SIPA1L3: variants seen among roughly 807,000 people sequenced by gnomAD.
SIPA1L3 encodes signal-induced proliferation-associated 1-like protein 3.
In SIPA1L3, 59 loss-of-function variants were observed where a neutral mutation model predicts 150.1. The ratio of observed to expected loss-of-function variants is 0.39; its 90% CI spans 0.32 to 0.49. The LOEUF is 0.49. Among genes scored for constraint, SIPA1L3 ranks in the 20% least tolerant of loss-of-function variants. The pLI, the probability that SIPA1L3 is intolerant of heterozygous loss-of-function variation, is 0.86. For missense variants in SIPA1L3, 2,211 were observed against 2,489.5 expected, an observed-to-expected ratio of 0.89 and a Z score of 2.38; for synonymous variants, 1,070 against 1,077.6, an observed-to-expected ratio of 0.99 and a Z score of 0.14.
intron 12 of SIPA1L3, 51 bp downstream of exon 12, chr19:38,142,761 C>T: frequency 6.4e-7 from 1 of 1,562,336 alleles, no homozygotes; most frequent in Non-Finnish European, 8.7e-7. Context: ...GAAAGCTGTG[C>T]CTCCTTCTTC....
chr19:37,960,242 C>G (rs1337444243), intron 1 of SIPA1L3, among the ~76,000 whole-genome samples: 1 of 151,928 alleles, frequency 6.6e-6, no homozygotes, highest in Non-Finnish European at 1.5e-5. Context: ...CTGGGAATGC[C>G]TTTATTTTGC....
intron 17 of SIPA1L3, among the ~76,000 whole-genome samples, chr19:38,192,939 C>T (rs889431610): frequency 6.6e-6 from 1 of 152,176 alleles, no homozygotes; most frequent in African/African-American, 2.4e-5. Context: ...GCTTGGCTCA[C>T]ACCACCTTCC....
intron 1 of SIPA1L3, among the ~76,000 whole-genome samples, chr19:37,959,883 C>T (rs1262691891): frequency 6.7e-6 from 1 of 149,358 alleles, no homozygotes; most frequent in Non-Finnish European, 1.5e-5. Flanking sequence ...TCACAGCCTA[C>T]TTCAGATTAA....
chr19:38,166,249 A>T (rs528005182), intron 15 of SIPA1L3, among the ~76,000 whole-genome samples: 1 of 151,662 alleles, frequency 6.6e-6, no homozygotes, highest in African/African-American at 2.4e-5. Context: ...AGGTCAGGAG[A>T]TCCAGACTGT....
At chr19:38,112,052 GCACA>G (rs541025549) in intron 8 of SIPA1L3, among the ~76,000 whole-genome samples, 45 of 142,054 alleles carry the variant, frequency 3.2e-4, no homozygotes, top group African/African-American at 1.2e-3. Flanking sequence ...GTCCACACAT[GCACA>G]CACACGTATG....
chr19:37,958,143 C>G (rs1043973628), intron 1 of SIPA1L3, among the ~76,000 whole-genome samples: 22 of 152,152 alleles, frequency 1.4e-4, no homozygotes, highest in African/African-American at 4.1e-4. Context: ...TGCAAAAATA[C>G]TACAAATAGG....
chr19:37,966,107 C>T lies in SIPA1L3; in HGVS notation c.-379+58749C>T, dbSNP rs375985394. Among the ~76,000 whole-genome samples the T allele has an allele frequency of 1.2e-3, 182 of 152,322 alleles. 1 individual carries two copies. In the South Asian group the frequency reaches 0.018, roughly 15 times the overall value. On this transcript the variant is annotated intron_variant, in intron 1 of 21. Coordinates refer to ENST00000222345, the MANE Select transcript of SIPA1L3 (RefSeq NM_015073.3). ...CCTGTTCCCCTGCCGTGTGATCCAC[C>T]GCTGTTTTTTTCTGAAATAAGTGCT...
chr19:37,957,850 T>C (rs1449584714), intron 1 of SIPA1L3, among the ~76,000 whole-genome samples: 1 of 151,876 alleles, frequency 6.6e-6, no homozygotes, highest in Non-Finnish European at 1.5e-5. Context: ...TAGCTGTGAC[T>C]ATAGGCATGC....
intron 2 of SIPA1L3, among the ~76,000 whole-genome samples, chr19:38,075,423 T>A (rs1416708645): frequency 6.6e-6 from 1 of 151,338 alleles, no homozygotes; most frequent in South Asian, 2.1e-4. Flanking sequence ...GCCACTGCAC[T>A]CCAGCCTGGG....
At chr19:38,028,764 C>G (rs992152644) in intron 1 of SIPA1L3, among the ~76,000 whole-genome samples, 1 of 150,226 alleles carries the variant, frequency 6.7e-6, no homozygotes, top group African/African-American at 2.5e-5. Context: ...ACAATCTTGG[C>G]TCATTGCAAC....
In SIPA1L3 at chr19:38,141,281, C is replaced by T. The variant is rs1971575789; in HGVS notation, c.3241C>T (p.Pro1081Ser). Residue 1081 changes from proline to serine, a missense_variant, in exon 11 of 22, where the codon CCC becomes TCC. This residue lies in a region of SIPA1L3 where 806 missense variants were observed against 870.1 expected (regional missense o/e 0.93). Transcript: ENST00000222345. The part of the protein sequence containing the change: ...GGRPPYRSNA[P>S]WQWSGPASHN... ...CCGGCCCCCCTACCGCAGCAATGCT[C>T]CCTGGCAGTGGAGCGGGCCCGCATC... 4 of 1,613,930 alleles carry T rather than the reference C, an allele frequency of 2.5e-6. No individual in the cohort carries two copies. Among genetic ancestry groups the T allele is most frequent in the Admixed American group, 1.7e-5 (1 of 59,988 alleles).
At chr19:38,077,516 A>G (rs749030953) in intron 2 of SIPA1L3, among the ~76,000 whole-genome samples, 2 of 152,060 alleles carry the variant, frequency 1.3e-5, no homozygotes, top group Non-Finnish European at 2.9e-5. Flanking sequence ...GCTAAGGAGA[A>G]AAATGGAGCA....
At chr19:38,167,296 C>G (rs953083989) in intron 15 of SIPA1L3, among the ~76,000 whole-genome samples, 1 of 148,606 alleles carries the variant, frequency 6.7e-6, no homozygotes, top group African/African-American at 2.4e-5. Context: ...GTGTGATATA[C>G]TTTGATCCAG....
chr19:37,969,964 C>A (rs1323272672), intron 1 of SIPA1L3, among the ~76,000 whole-genome samples: 1 of 152,134 alleles, frequency 6.6e-6, no homozygotes, highest in African/African-American at 2.4e-5. Context: ...GGCTGTGAGT[C>A]CCAGGAGGTC....
At chr19:38,035,610 G>A (rs1968763455) in intron 2 of SIPA1L3, among the ~76,000 whole-genome samples, 1 of 152,190 alleles carries the variant, frequency 6.6e-6, no homozygotes, top group Admixed American at 6.5e-5. Flanking sequence ...CAGCTTAACT[G>A]TGGGTGCTTC....
At chr19:38,040,101 A>G (rs1184219044) in intron 2 of SIPA1L3, among the ~76,000 whole-genome samples, 6 of 152,208 alleles carry the variant, frequency 3.9e-5, no homozygotes, top group South Asian at 2.1e-4. Flanking sequence ...TAGCAGAGGG[A>G]GACCCTGTCT....
intron 12 of SIPA1L3, 50 bp from the exon 13 acceptor site, chr19:38,152,790 C>T (rs768907724): frequency 6.4e-6 from 10 of 1,550,586 alleles, no homozygotes; most frequent in South Asian, 5.0e-5. Context: ...AGGTGGTTTT[C>T]GACATAGGCT....
At chr19:38,204,715 G>A (rs1383530109) in intron 21 of SIPA1L3, among the ~76,000 whole-genome samples, 5 of 151,972 alleles carry the variant, frequency 3.3e-5, no homozygotes, top group Non-Finnish European at 5.9e-5. Context: ...GCAGTGAGCC[G>A]AGATCATGCC....
chr19:37,960,507 C>T (rs1464928112), intron 1 of SIPA1L3, among the ~76,000 whole-genome samples: 1 of 151,638 alleles, frequency 6.6e-6, no homozygotes, highest in Non-Finnish European at 1.5e-5. Flanking sequence ...GGGTTCACGC[C>T]ATTCTCCTGC....
Sources: gnomAD v4.1 joint callset for allele counts (sites outside exome capture counted in the v4.1 genomes callset) on GRCh38, gnomAD v4.1.1 for gene constraint, gnomAD v4.1.1 regional missense constraint, MANE v1.5 for transcripts, NCBI Gene and HGNC (gene_info 2026-07-23, HGNC 2026-07-21) for gene names.